The following CCNT1 variants were observed in gnomAD, a reference collection of about 807,000 sequenced individuals.
CCNT1 encodes cyclin T1, also known as cyclin-T1.
Under a neutral mutation model 67.3 loss-of-function variants are expected in CCNT1, and 18 were observed. The ratio of observed to expected loss-of-function variants is 0.27; its 90% CI spans 0.18 to 0.40. The LOEUF (loss-of-function observed/expected upper bound fraction) is 0.40. Among genes scored for constraint, CCNT1 ranks in the 10% least tolerant of loss-of-function variants. CCNT1 has a pLI of 1.00. For synonymous variants in CCNT1, 333 were observed against 310.3 expected (o/e 1.07, Z -0.77); for missense variants, 744 against 884.9 (o/e 0.84, Z 2.02).
intron 3 of CCNT1, among the ~76,000 whole-genome samples, chr12:48,703,503 G>A (rs1468586989): frequency 6.6e-6 from 1 of 151,994 alleles, no homozygotes; most frequent in Non-Finnish European, 1.5e-5. Context: ...AACCCAGGAG[G>A]GGGAGGTTGC....
At position 48,698,294 on chromosome 12, in the gene CCNT1, T is replaced by C. The variant is rs11838289; in HGVS notation, c.497-111A>G. The stretch of plus-strand genomic sequence containing the variant: ...TAATATTTGCAAGGTACTGTGAATA[T>C]AGTGGCAAATGAGACACACATGGTC... On this transcript the variant is annotated intron_variant, in intron 5 of 8. Transcript: ENST00000261900. The C allele has an allele frequency of 6.0e-3, 4,233 of 708,998 alleles. 148 individuals carry two copies. In the African/African-American group the frequency reaches 0.068, roughly 11 times the overall value. The allele number at this position is 708,998 out of a possible 1,614,324, so 43.9% of individuals were successfully genotyped here.
intron 6 of CCNT1, 82 bp downstream of exon 6, chr12:48,698,056 G>C (rs1343356581): frequency 1.3e-6 from 1 of 783,240 alleles, no homozygotes; most frequent in Non-Finnish European, 2.0e-6. Context: ...ATTCACCAGA[G>C]AATTATCTAT....
rs779622632 is a variant in CCNT1 at position 48,693,179 on chromosome 12, T to C, written c.2035A>G (p.Thr679Ala). Reference sequence around the variant, plus strand: ...TAAGGACGAACAAATTCAAATGCAGTGGGCTGAGTGGGCTGAACACCCTGG... The same window carrying C: ...TAAGGACGAACAAATTCAAATGCAGCGGGCTGAGTGGGCTGAACACCCTGG... The part of the protein sequence containing the change: ...SAQGVQPTQP[T>A]AFEFVRPYSD... Residue 679 changes from threonine (T) to alanine (A), a missense_variant, in exon 9 of 9, where the codon ACT (threonine) becomes GCT (alanine). Physicochemically the swap from Thr to Ala is moderately conservative, Grantham distance 58 (BLOSUM62 0). Coordinates refer to ENST00000261900, the MANE Select transcript of CCNT1 (RefSeq NM_001240.4). 6.2e-7 allele frequency: 1 copy of C among 1,614,116 alleles called. No homozygotes were observed. The highest frequency in any genetic ancestry group is 8.5e-7 in the Non-Finnish European group (1 of 1,180,014).
At chr12:48,713,110 A>G (rs1201887518) in intron 2 of CCNT1, among the ~76,000 whole-genome samples, 1 of 152,164 alleles carries the variant, frequency 6.6e-6, no homozygotes, top group Non-Finnish European at 1.5e-5. Context: ...CTACACTGAA[A>G]AGATCACTAT....
At chr12:48,715,524 C>T in intron 1 of CCNT1, among the ~76,000 whole-genome samples, 1 of 151,868 alleles carries the variant, frequency 6.6e-6, no homozygotes, top group Non-Finnish European at 1.5e-5. Context: ...GCAGTGGCGC[C>T]ATCTCGGCTA....
intron 6 of CCNT1, 40 bp from the exon 7 acceptor site, chr12:48,696,202 C>T (rs750342254): frequency 2.2e-6 from 2 of 911,876 alleles, no homozygotes; most frequent in Admixed American, 2.7e-5. Flanking sequence ...GTCATGAGCT[C>T]TCAATTCTCA....
chr12:48,698,315 T>A, intron 5 of CCNT1, 132 bp from the exon 6 acceptor site: 1 of 587,232 alleles, frequency 1.7e-6, no homozygotes, highest in South Asian at 2.7e-5. Context: ...GAGACACACA[T>A]GGTCCCTGTA....
intron 2 of CCNT1, among the ~76,000 whole-genome samples, chr12:48,713,203 T>C (rs1940483255): frequency 6.7e-6 from 1 of 148,232 alleles, no homozygotes; most frequent in Admixed American, 6.7e-5. Context: ...TTTTTACCTT[T>C]TTTTTTTTTT....
At position 48,692,936 on chromosome 12, in the gene CCNT1, T is replaced by C. The variant is rs968568817; in HGVS notation, c.*97A>G. ...ATCAATTTATTCCCTAGTCCAAGGA[T>C]GACATATTTCATAAGTAATTTTCTT... On this transcript the variant is annotated 3_prime_UTR_variant, in exon 9 of 9. Transcript: ENST00000261900. 2.5e-6 allele frequency: 2 copies of C among 785,398 alleles called. No individual in the cohort carries two copies. The highest frequency in any genetic ancestry group is 4.0e-6 in the Non-Finnish European group (2 of 501,382). 48.7% of individuals were successfully genotyped at this position (785,398 alleles called of 1,614,324 possible). A position where few individuals can be genotyped will look rare whatever the true frequency, so the allele number is the denominator to read the frequency against.
In CCNT1 at chr12:48,701,218, T is replaced by A. The variant is rs1350776102; in HGVS notation, c.373-145A>T. The stretch of plus-strand genomic sequence containing the variant: ...TAGAGTTAAGAACTGAAATACAATC[T>A]TTTTTTTTTTTTTTTTTTTTTTTTT... On this transcript the variant is annotated intron_variant, in intron 3 of 8. Coordinates refer to ENST00000261900, the MANE Select transcript of CCNT1 (RefSeq NM_001240.4). 303 of 23,296 alleles carry A rather than the reference T, an allele frequency of 0.013. 2 individuals are homozygous for A. In the East Asian group the frequency reaches 0.21, roughly 16 times the overall value. 1.4% of individuals were successfully genotyped at this position (23,296 alleles called of 1,614,324 possible). A position where few individuals can be genotyped will look rare whatever the true frequency, so the allele number is the denominator to read the frequency against.
intron 2 of CCNT1, among the ~76,000 whole-genome samples, chr12:48,713,374 A>G (rs945838790): frequency 1.2e-4 from 18 of 152,090 alleles, no homozygotes; most frequent in African/African-American, 4.3e-4. Flanking sequence ...TTTCCCAGTT[A>G]TTATTACATA....
intron 1 of CCNT1, among the ~76,000 whole-genome samples, chr12:48,714,737 A>C (rs1940507946): frequency 6.6e-6 from 1 of 152,230 alleles, no homozygotes; most frequent in Non-Finnish European, 1.5e-5. Context: ...ACACATAACA[A>C]ATATTTAATA....
At position 48,716,502 on chromosome 12, in the gene CCNT1, G is replaced by A; in HGVS notation, c.161+13C>T. The A allele has an allele frequency of 1.2e-6, 2 of 1,609,014 alleles. No homozygotes were observed. The highest frequency in any genetic ancestry group is 8.5e-7 in the Non-Finnish European group (1 of 1,176,714). The stretch of plus-strand genomic sequence containing the variant: ...ACCAACTCCAAGGCCGAAGGCCTAG[G>A]CCACAAGGATACACGTTAAGACGCT... On this transcript the variant is annotated intron_variant, in intron 1 of 8. Coordinates refer to ENST00000261900, the MANE Select transcript of CCNT1 (RefSeq NM_001240.4).
chr12:48,709,743 G>A (rs1940420015), intron 2 of CCNT1, among the ~76,000 whole-genome samples: 1 of 152,100 alleles, frequency 6.6e-6, no homozygotes, highest in African/African-American at 2.4e-5. Context: ...TAGTTTATGT[G>A]CACAGAAAAA....
Position 48,692,871 on chromosome 12 carries a change from T to A in CCNT1, c.*162A>T. ...TTAAATGCATGAGACAGCAGATATA[T>A]AGCCAAGGCCTTCTACCACCCTCCT... On this transcript the variant is annotated 3_prime_UTR_variant, in exon 9 of 9. Coordinates refer to ENST00000261900, the MANE Select transcript of CCNT1 (RefSeq NM_001240.4). The A allele has an allele frequency of 3.4e-6, 2 of 586,026 alleles. No homozygotes were observed. The highest frequency in any genetic ancestry group is 3.7e-5 in the African/African-American group (2 of 53,900). The allele number at this position is 586,026 out of a possible 1,614,324, so 36.3% of individuals were successfully genotyped here. A position where few individuals can be genotyped will look rare whatever the true frequency, so the allele number is the denominator to read the frequency against.
intron 3 of CCNT1, 142 bp from the exon 4 acceptor site, chr12:48,701,215 ATCT>A (rs1357862464): frequency 1.3e-4 from 42 of 323,316 alleles, no homozygotes; most frequent in East Asian, 6.5e-4. Context: ...CTGAAATACA[ATCT>A]TTTTTTTTTT....
At chr12:48,706,015 T>C (rs1372626407) in intron 2 of CCNT1, 119 bp from the exon 3 acceptor site, 6 of 910,980 alleles carry the variant, frequency 6.6e-6, no homozygotes, top group African/African-American at 3.4e-5. Context: ...CTTTGTCACC[T>C]CTTTACCCTT....
In CCNT1 at chr12:48,693,018, CTTCT is replaced by C. The variant is rs765877767; in HGVS notation, c.*11_*14del. 1.6e-4 allele frequency: 231 copies of C among 1,465,866 alleles called. No homozygotes were observed. In the East Asian group the frequency reaches 4.4e-3, roughly 28 times the overall value. The allele number at this position is 1,465,866 out of a possible 1,614,324, so 90.8% of individuals were successfully genotyped here. A position where few individuals can be genotyped will look rare whatever the true frequency, so the allele number is the denominator to read the frequency against. On this transcript the variant is annotated 3_prime_UTR_variant, in exon 9 of 9. Coordinates refer to ENST00000261900, the MANE Select transcript of CCNT1 (RefSeq NM_001240.4). Reference sequence around the variant, plus strand: ...TTTTTTAAAGAAGTTTTTTTCTCCTCTTCTTTTTCTTTTTTTACTTAGGAAGGGG... The same window carrying C: ...TTTTTTAAAGAAGTTTTTTTCTCCTCTTTTCTTTTTTTACTTAGGAAGGGG...
At chr12:48,708,337 A>C (rs1248404814) in intron 2 of CCNT1, among the ~76,000 whole-genome samples, 1 of 152,174 alleles carries the variant, frequency 6.6e-6, no homozygotes, top group Non-Finnish European at 1.5e-5. Context: ...ACCTGAGGTC[A>C]GGAGTTCAAG....
Sources: allele counts gnomAD v4.1 joint callset (sites outside exome capture counted in the v4.1 genomes callset), GRCh38; gene constraint gnomAD v4.1.1; transcripts MANE v1.5; gene names NCBI Gene and HGNC (gene_info 2026-07-23, HGNC 2026-07-21).